Variants in PTGR3 observed in about 807,000 individuals in gnomAD.
PTGR3 encodes the protein zinc binding alcohol dehydrogenase domain containing 2.
At chr18:75,208,568 G>C in the PTGR3 span, 6 of 1,072,968 alleles carry the variant, frequency 5.6e-6, no homozygotes, top group South Asian at 4.6e-5. Flanking sequence ...AGGGGGAGGA[G>C]GGAGGGCTGG....
chr18:75,202,764 C>G, the PTGR3 span, among the ~76,000 whole-genome samples: 1 of 151,802 alleles, frequency 6.6e-6, no homozygotes, highest in Non-Finnish European at 1.5e-5. Context: ...ATTAATTGGC[C>G]TCTTAACAAA....
At chr18:75,208,213 G>T in the PTGR3 span, 2 of 689,108 alleles carry the variant, frequency 2.9e-6, no homozygotes, top group Non-Finnish European at 3.6e-6. Flanking sequence ...CCCTGGCCCA[G>T]CTGCCCGGGA....
the PTGR3 span, among the ~76,000 whole-genome samples, chr18:75,203,689 GGGAAGAT>G: frequency 7.0e-4 from 107 of 152,222 alleles, no homozygotes; most frequent in African/African-American, 2.5e-3. Flanking sequence ...CATGAGAAGG[GGGAAGAT>G]GAGTTTTGCT....
At chr18:75,205,592 C>T in the PTGR3 span, 4 of 661,978 alleles carry the variant, frequency 6.0e-6, no homozygotes, top group Non-Finnish European at 3.7e-6. Context: ...AGAAACAGAG[C>T]GATCCTGCGC....
At chr18:75,201,264 A>G in the PTGR3 span, 1 of 622,432 alleles carries the variant, frequency 1.6e-6, no homozygotes, top group Non-Finnish European at 2.6e-6. Flanking sequence ...GAGGAGGAGG[A>G]GGAGGAGAAG....
chr18:75,208,441 C>G, the PTGR3 span: 4 of 998,164 alleles, frequency 4.0e-6, no homozygotes, highest in Non-Finnish European at 4.8e-6. Context: ...AGTTTGCGTC[C>G]AGGCTGCTCC....
At chr18:75,208,471 T>C in the PTGR3 span, 4 of 1,016,480 alleles carry the variant, frequency 3.9e-6, no homozygotes, top group Non-Finnish European at 4.7e-6. Context: ...CTAAAGATTA[T>C]GTCAACGCAG....
chr18:75,204,170 C>A, the PTGR3 span, among the ~76,000 whole-genome samples: 115 of 152,378 alleles, frequency 7.5e-4, no homozygotes, highest in Non-Finnish European at 1.4e-3. Flanking sequence ...GGGGGACACC[C>A]GGGCGGCCAG....
the PTGR3 span, chr18:75,197,376 G>A: frequency 6.6e-6 from 1 of 152,008 alleles, no homozygotes; most frequent in East Asian, 1.9e-4. Flanking sequence ...GACATCTCAT[G>A]TACCCCATAA....
the PTGR3 span, chr18:75,200,911 G>A: frequency 6.6e-6 from 1 of 152,220 alleles, no homozygotes; most frequent in Non-Finnish European, 1.5e-5. Context: ...TAGTTGGTTG[G>A]TGATTTATAG....
chr18:75,200,379 A>G, the PTGR3 span: 2 of 152,262 alleles, frequency 1.3e-5, no homozygotes, highest in Non-Finnish European at 2.9e-5. Flanking sequence ...GGAATGCAGA[A>G]TGAGTGGCTG....
chr18:75,205,773 G>T, the PTGR3 span, among the ~76,000 whole-genome samples: 3 of 133,788 alleles, frequency 2.2e-5, no homozygotes, highest in South Asian at 8.2e-4. Flanking sequence ...AACAAAGAAG[G>T]AAAGACAAGA....
the PTGR3 span, chr18:75,201,736 T>G: frequency 6.2e-7 from 1 of 1,614,238 alleles, no homozygotes; most frequent in South Asian, 1.1e-5. Flanking sequence ...TAGCCAGAGA[T>G]AAACCCTATT....
the PTGR3 span, among the ~76,000 whole-genome samples, chr18:75,203,511 A>C: frequency 6.6e-6 from 1 of 152,234 alleles, no homozygotes; most frequent in African/African-American, 2.4e-5. Context: ...AAGCTCACTT[A>C]TGATCATCCC....
At chr18:75,196,698 C>G in the PTGR3 span, 6 of 145,288 alleles carry the variant, frequency 4.1e-5, no homozygotes, top group East Asian at 1.2e-3. Context: ...TACATGAAGA[C>G]GTATTGGTTT....
the PTGR3 span, among the ~76,000 whole-genome samples, chr18:75,206,770 TTCTTGGCGTG>T: frequency 6.6e-6 from 1 of 152,228 alleles, no homozygotes; most frequent in African/African-American, 2.4e-5. Context: ...ATTAAAAGGA[TTCTTGGCGTG>T]TGTGCAGGGA....
the PTGR3 span, chr18:75,196,527 G>C: frequency 6.6e-6 from 1 of 150,642 alleles, no homozygotes; most frequent in Non-Finnish European, 1.5e-5. Context: ...AGCTACTCAG[G>C]AGACTGAGGT....
At chr18:75,205,761 GAAAC>G in the PTGR3 span, among the ~76,000 whole-genome samples, 1 of 130,238 alleles carries the variant, frequency 7.7e-6, no homozygotes, top group African/African-American at 2.8e-5. Flanking sequence ...AAGAAAGAAA[GAAAC>G]AAAGAAGGAA....
chr18:75,201,523 A>G, the PTGR3 span: 1 of 1,614,152 alleles, frequency 6.2e-7, no homozygotes, highest in Non-Finnish European at 8.5e-7. Context: ...AGGCCAGTAA[A>G]CCTGCCCTCT....
Sources: gnomAD v4.1 joint callset for allele counts (sites outside exome capture counted in the v4.1 genomes callset) on GRCh38, gnomAD v4.1.1 for gene constraint, MANE v1.5 for transcripts, NCBI Gene and HGNC (gene_info 2026-07-23, HGNC 2026-07-21) for gene names.